Variants in ADGRL2 observed in about 807,000 individuals in gnomAD.
ADGRL2 encodes the protein adhesion G protein-coupled receptor L2, also known as calcium-independent alpha-latrotoxin receptor 2.
Under a neutral mutation model 157.4 loss-of-function variants are expected in ADGRL2, and 44 were observed. The observed-to-expected ratio is 0.28, with a 90% CI of 0.22 to 0.36. ADGRL2 has a LOEUF of 0.36. ADGRL2 is among the 10% of genes least tolerant of loss of function. The probability of loss-of-function intolerance (pLI) is 1.00; values close to 1 mark genes in which losing one functional copy is unlikely to be tolerated. For missense variants in ADGRL2, 1,510 were observed against 1,768.9 expected (o/e 0.85, Z 2.63); for synonymous variants, 585 against 624.7 (o/e 0.94, Z 0.95).
chr1:81,315,303 A>G (rs1660028981), intron 1 of ADGRL2, among the ~76,000 whole-genome samples: 1 of 152,140 alleles, frequency 6.6e-6, no homozygotes, highest in Non-Finnish European at 1.5e-5. Flanking sequence ...AATTAACCTC[A>G]GTATAAGGGG....
chr1:81,584,968 G>C (rs573304171), intron 3 of ADGRL2, among the ~76,000 whole-genome samples: 1 of 152,094 alleles, frequency 6.6e-6, no homozygotes, highest in South Asian at 2.1e-4. Flanking sequence ...TAAAGCTGGA[G>C]GCTTAACACA....
intron 1 of ADGRL2, among the ~76,000 whole-genome samples, chr1:81,442,231 T>C (rs1397234452): frequency 6.6e-6 from 1 of 152,210 alleles, no homozygotes; most frequent in East Asian, 1.9e-4. Flanking sequence ...TGGCTGTCAG[T>C]TGGAAAGCTA....
At chr1:81,328,857 A>C (rs1016419732) in intron 1 of ADGRL2, among the ~76,000 whole-genome samples, 6 of 152,090 alleles carry the variant, frequency 3.9e-5, no homozygotes, top group Admixed American at 2.0e-4. Context: ...CAAAGGGCAC[A>C]GAAGCGCTTA....
intron 1 of ADGRL2, among the ~76,000 whole-genome samples, chr1:81,357,852 A>T (rs1663428012): frequency 6.6e-6 from 1 of 152,192 alleles, no homozygotes; most frequent in Non-Finnish European, 1.5e-5. Context: ...GAAGTTAGTT[A>T]AACTCTTTAA....
chr1:81,789,890 G>T (rs942042504), intron 2 of ADGRL2, among the ~76,000 whole-genome samples: 1 of 152,008 alleles, frequency 6.6e-6, no homozygotes, highest in Admixed American at 6.6e-5. Flanking sequence ...AGGCTTTTTG[G>T]TTGTTGGAGG....
intron 1 of ADGRL2, among the ~76,000 whole-genome samples, chr1:81,704,313 G>A (rs1170615160): frequency 6.6e-6 from 1 of 152,204 alleles, no homozygotes; most frequent in Non-Finnish European, 1.5e-5. Flanking sequence ...TGCATTCTTA[G>A]GCTTAGCTGG....
chr1:81,970,684 G>A (rs1188513113), intron 16 of ADGRL2, 150 bp downstream of exon 16: 3 of 528,642 alleles, frequency 5.7e-6, no homozygotes, highest in Admixed American at 3.8e-5. Flanking sequence ...TTACAATCAA[G>A]TCTTTTGCAA....
At chr1:81,499,463 G>A (rs1213521534) in intron 2 of ADGRL2, among the ~76,000 whole-genome samples, 2 of 152,222 alleles carry the variant, frequency 1.3e-5, no homozygotes, top group Non-Finnish European at 2.9e-5. Context: ...AATGGGACTT[G>A]AACCCGGTTG....
At chr1:81,784,460 G>C (rs1160389134) in intron 2 of ADGRL2, among the ~76,000 whole-genome samples, 2 of 152,164 alleles carry the variant, frequency 1.3e-5, no homozygotes, top group Non-Finnish European at 2.9e-5. Context: ...AGGTGCAGTG[G>C]CTCATGCCTG....
At chr1:81,340,773 T>A (rs1271400950) in intron 1 of ADGRL2, among the ~76,000 whole-genome samples, 2 of 152,140 alleles carry the variant, frequency 1.3e-5, no homozygotes, top group Non-Finnish European at 2.9e-5. Flanking sequence ...AGGAAATGTA[T>A]GCTCCAGTGT....
At chr1:81,545,815 C>G (rs893500267) in intron 2 of ADGRL2, among the ~76,000 whole-genome samples, 2 of 152,140 alleles carry the variant, frequency 1.3e-5, no homozygotes, top group Non-Finnish European at 2.9e-5. Context: ...AACCCCCACA[C>G]TATCAATAAA....
At chr1:81,379,983 A>G (rs1289495427) in intron 1 of ADGRL2, among the ~76,000 whole-genome samples, 1 of 152,120 alleles carries the variant, frequency 6.6e-6, no homozygotes, top group African/African-American at 2.4e-5. Context: ...CTTCTGTATC[A>G]TTTAAACGGA....
intron 2 of ADGRL2, among the ~76,000 whole-genome samples, chr1:81,786,655 T>C (rs2087062415): frequency 6.6e-6 from 1 of 152,226 alleles, no homozygotes. Context: ...AAGCAAATAT[T>C]CTTCTTTGAA....
chr1:81,763,842 A>C (rs1285816073), intron 2 of ADGRL2, among the ~76,000 whole-genome samples: 1 of 151,956 alleles, frequency 6.6e-6, no homozygotes, highest in Non-Finnish European at 1.5e-5. Context: ...CCCCGTCTCT[A>C]CTAAATATAC....
At chr1:81,380,980 T>C (rs1223276951) in intron 1 of ADGRL2, among the ~76,000 whole-genome samples, 1 of 152,152 alleles carries the variant, frequency 6.6e-6, no homozygotes, top group Non-Finnish European at 1.5e-5. Flanking sequence ...TACAATTATG[T>C]TTTGTTCTCA....
intron 1 of ADGRL2, among the ~76,000 whole-genome samples, chr1:81,760,664 A>G (rs1341666158): frequency 6.6e-6 from 1 of 151,984 alleles, no homozygotes; most frequent in Non-Finnish European, 1.5e-5. Flanking sequence ...ATTTGAGCTT[A>G]GAATTCAATA....
intron 1 of ADGRL2, among the ~76,000 whole-genome samples, chr1:81,836,115 A>C (rs2092266475): frequency 6.6e-6 from 1 of 152,010 alleles, no homozygotes; most frequent in Non-Finnish European, 1.5e-5. Flanking sequence ...AAATGATGTA[A>C]TGAGTTTGTT....
intron 1 of ADGRL2, among the ~76,000 whole-genome samples, chr1:81,737,339 G>A (rs2084935285): frequency 6.6e-6 from 1 of 152,182 alleles, no homozygotes; most frequent in South Asian, 2.1e-4. Flanking sequence ...GAGGAAGCAG[G>A]CGTGTCTTCA....
intron 2 of ADGRL2, among the ~76,000 whole-genome samples, chr1:81,547,285 AG>A (rs1240912283): frequency 6.6e-6 from 1 of 152,198 alleles, no homozygotes; most frequent in African/African-American, 2.4e-5. Flanking sequence ...TAAAACCCCC[AG>A]TAGTTAAGCA....
Sources: gnomAD v4.1 joint callset for allele counts (sites outside exome capture counted in the v4.1 genomes callset) on GRCh38, gnomAD v4.1.1 for gene constraint, MANE v1.5 for transcripts, NCBI Gene and HGNC (gene_info 2026-07-23, HGNC 2026-07-21) for gene names.